Variants in PIGN observed in about 807,000 individuals in gnomAD.
PIGN encodes the protein GPI ethanolamine phosphate transferase 1.
PIGN carries 117 observed loss-of-function variants against 125.4 expected under a neutral mutation model. The observed-to-expected ratio is 0.93, with a 90% CI of 0.80 to 1.09. The LOEUF (loss-of-function observed/expected upper bound fraction) is 1.09. Among genes scored for constraint, PIGN ranks in the 50% least tolerant of loss-of-function variants. The pLI is 0.00. For synonymous variants in PIGN, 392 were observed against 377.8 expected (o/e 1.04, Z -0.44); for missense variants, 1,075 against 1,094.9 (o/e 0.98, Z 0.26).
At chr18:62,061,289 A>C (rs1401979359) in intron 30 of PIGN, among the ~76,000 whole-genome samples, 1 of 152,164 alleles carries the variant, frequency 6.6e-6, no homozygotes, top group East Asian at 1.9e-4. Flanking sequence ...AAGTGTTCTG[A>C]AAATCCATGG....
intron 27 of PIGN, among the ~76,000 whole-genome samples, chr18:62,083,412 CAG>C (rs1036574999): frequency 7.2e-5 from 11 of 152,032 alleles, no homozygotes; most frequent in African/African-American, 2.7e-4. Context: ...TGTTTCAAAA[CAG>C]GGGGAGATAT....
intron 27 of PIGN, among the ~76,000 whole-genome samples, chr18:62,083,442 C>G (rs191145501): frequency 1.4e-3 from 217 of 152,092 alleles, no homozygotes; most frequent in African/African-American, 5.0e-3. Flanking sequence ...AAATGATGTT[C>G]AAGGCAGCAT....
intron 21 of PIGN, among the ~76,000 whole-genome samples, chr18:62,102,239 T>C (rs1008348305): frequency 4.1e-5 from 6 of 147,756 alleles, no homozygotes; most frequent in African/African-American, 1.3e-4. Flanking sequence ...AAAAAACACA[T>C]ACAAAAAACA....
At chr18:62,119,425 T>A (rs925668698) in intron 14 of PIGN, among the ~76,000 whole-genome samples, 9 of 152,190 alleles carry the variant, frequency 5.9e-5, no homozygotes, top group East Asian at 1.9e-4. Context: ...TCTATTTTTT[T>A]AAAAATCAAA....
chr18:62,047,264 G>T (rs915895806), intron 30 of PIGN, among the ~76,000 whole-genome samples: 1 of 152,208 alleles, frequency 6.6e-6, no homozygotes, highest in Non-Finnish European at 1.5e-5. Context: ...CCCCTCCACT[G>T]TCATGGTGTC....
intron 13 of PIGN, among the ~76,000 whole-genome samples, chr18:62,138,733 T>TGTAGTCTTTGTAAGCATATGTG (rs2036026165): frequency 6.6e-6 from 1 of 152,186 alleles, no homozygotes; most frequent in African/African-American, 2.4e-5. Flanking sequence ...AGAATTGACT[T>TGTAGTCTTTGTAAGCATATGTG]GTAGTCTTTG....
At chr18:62,052,965 G>A (rs931987248) in intron 30 of PIGN, 10 of 385,430 alleles carry the variant, frequency 2.6e-5, no homozygotes, top group Admixed American at 4.5e-5. Context: ...TTTCTAAACA[G>A]AAATAAAACA....
intron 23 of PIGN, among the ~76,000 whole-genome samples, 178 bp from the exon 24 acceptor site, chr18:62,090,756 A>G (rs1369789329): frequency 6.6e-6 from 1 of 152,198 alleles, no homozygotes. Context: ...CTCCAACATC[A>G]TCTTTTTTGA....
intron 27 of PIGN, 24 bp from the exon 28 acceptor site, chr18:62,082,770 C>T (rs1044527038): frequency 8.1e-7 from 1 of 1,228,560 alleles, no homozygotes; most frequent in Non-Finnish European, 1.2e-6. Flanking sequence ...ATAAATGATG[C>T]AAGGAATAAC....
At chr18:62,025,641 T>G (rs1568103253) in intron 23 of PIGN, among the ~76,000 whole-genome samples, 1 of 152,200 alleles carries the variant, frequency 6.6e-6, no homozygotes, top group Non-Finnish European at 1.5e-5. Context: ...GGACATTCCC[T>G]CCAGGTTGCA....
At chr18:62,058,716 A>G (rs1488944995) in intron 30 of PIGN, 1 of 152,210 alleles carries the variant, frequency 6.6e-6, no homozygotes, top group African/African-American at 2.4e-5. Context: ...TAATGCTTTC[A>G]GTATTTTCTT....
intron 23 of PIGN, among the ~76,000 whole-genome samples, chr18:62,027,934 A>C (rs1389749458): frequency 1.3e-5 from 2 of 152,152 alleles, no homozygotes; most frequent in Non-Finnish European, 2.9e-5. Flanking sequence ...AGAAAGAAAG[A>C]AAAGAAAAGA....
rs115007697 is a variant in PIGN at position 62,054,082 on chromosome 18, G to T, written c.2673-8103C>A. ...AAAAACCAACACATCACAGTTTATG[G>T]GACACAGCTAAAGCAAGCGCAGACG... On this transcript the variant is annotated intron_variant, in intron 30 of 30. Coordinates refer to ENST00000640252, the MANE Select transcript of PIGN (RefSeq NM_176787.5). Among the ~76,000 whole-genome samples, 175 of 152,228 alleles carry T rather than the reference G, an allele frequency of 1.1e-3. 2 individuals carry two copies. The highest frequency in any genetic ancestry group is 4.0e-3 in the African/African-American group (166 of 41,534).
intron 30 of PIGN, among the ~76,000 whole-genome samples, chr18:62,068,587 C>T (rs1266790974): frequency 6.6e-6 from 1 of 152,184 alleles, no homozygotes; most frequent in Non-Finnish European, 1.5e-5. Flanking sequence ...TGAAACTTCT[C>T]CAGCCAAGCT....
chr18:62,138,030 T>C, intron 14 of PIGN: 1 of 591,696 alleles, frequency 1.7e-6, no homozygotes, highest in Non-Finnish European at 2.8e-6. Flanking sequence ...TATCTCTCCA[T>C]TCCCTCATCC....
intron 1 of PIGN, among the ~76,000 whole-genome samples, chr18:62,166,179 C>A (rs1037071239): frequency 4.6e-5 from 7 of 152,258 alleles, no homozygotes; most frequent in African/African-American, 1.4e-4. Context: ...TGCGCAGGAC[C>A]TTCTTGCTTT....
At chr18:62,039,780 C>T (rs1484266365), downstream of PIGN, among the ~76,000 whole-genome samples, 2 of 78,412 alleles carry the variant, frequency 2.6e-5, no homozygotes, top group Non-Finnish European at 5.2e-5. Flanking sequence ...TAGGGCCCAT[C>T]CAGAGTGCCG....
At chr18:62,115,092 G>T (rs1300857027) in intron 14 of PIGN, among the ~76,000 whole-genome samples, 4 of 152,152 alleles carry the variant, frequency 2.6e-5, no homozygotes, top group African/African-American at 4.8e-5. Flanking sequence ...TTATCAAAGA[G>T]CTCCAGGCAG....
intron 23 of PIGN, among the ~76,000 whole-genome samples, chr18:62,018,395 C>T (rs1439462871): frequency 6.6e-6 from 1 of 152,230 alleles, no homozygotes; most frequent in Non-Finnish European, 1.5e-5. Flanking sequence ...AAAATCATTG[C>T]CTCCTTCACT....
Sources: allele counts gnomAD v4.1 joint callset (sites outside exome capture counted in the v4.1 genomes callset), GRCh38; gene constraint gnomAD v4.1.1; transcripts MANE v1.5; gene names NCBI Gene and HGNC (gene_info 2026-07-23, HGNC 2026-07-21).